Variants in WWOX observed in about 807,000 individuals in gnomAD.
WWOX encodes WW domain containing oxidoreductase.
A neutral mutation model predicts 46.2 loss-of-function variants in WWOX; 69 were observed. The ratio of observed to expected loss-of-function variants is 1.49; its 90% CI spans 1.23 to 1.82. The LOEUF is 1.82. Among genes scored for constraint, WWOX ranks in the 40% most tolerant of loss-of-function variants. The pLI is 0.00. For synonymous variants in WWOX, 359 were observed against 202.6 expected (o/e 1.77, Z -6.56); for missense variants, 919 against 542.6 (o/e 1.69, Z -6.89).
chr16:78,214,900 A>G (rs1193621531), intron 5 of WWOX, among the ~76,000 whole-genome samples: 2 of 152,102 alleles, frequency 1.3e-5, no homozygotes, highest in Admixed American at 6.5e-5. Context: ...ACTACTTGGT[A>G]TATTTTAGTT....
chr16:78,203,635 A>G (rs2036302743), intron 5 of WWOX, among the ~76,000 whole-genome samples: 4 of 152,198 alleles, frequency 2.6e-5, no homozygotes. Context: ...GTCAGTTAAC[A>G]TTCTTGCGAC....
intron 8 of WWOX, among the ~76,000 whole-genome samples, chr16:78,893,775 TC>T (rs1326914422): frequency 6.6e-6 from 1 of 152,102 alleles, no homozygotes; most frequent in East Asian, 1.9e-4. Flanking sequence ...TCTCTGTCTT[TC>T]CCTGCCCCTC....
chr16:79,049,797 C>G (rs1258452340), intron 8 of WWOX, among the ~76,000 whole-genome samples: 1 of 148,594 alleles, frequency 6.7e-6, no homozygotes, highest in Non-Finnish European at 1.5e-5. Context: ...ATCATCCCAC[C>G]GCACACCAGC....
rs898276441 is a variant in WWOX, at chr16:78,544,073, A to G, written c.1056+111321A>G. ...TAGAGTAGGAAAAGCCTAGCCAAGC[A>G]GAAACCCATGTTTTTGACTTTCAGG... is the stretch of plus-strand genomic sequence containing the variant. On this transcript the variant is annotated intron_variant, in intron 8 of 8. Coordinates refer to ENST00000566780, the MANE Select transcript of WWOX (RefSeq NM_016373.4). 4.3e-4 allele frequency among the ~76,000 whole-genome samples: 65 copies of G among 152,208 alleles called. 1 individual carries two copies. The highest frequency in any genetic ancestry group is 1.5e-3 in the African/African-American group (61 of 41,466).
intron 4 of WWOX, among the ~76,000 whole-genome samples, chr16:78,141,431 T>TTC (rs1020769891): frequency 5.4e-4 from 16 of 29,614 alleles, no homozygotes; most frequent in South Asian, 9.6e-4. Flanking sequence ...ATCCCCCTTC[T>TTC]TTTTTTTTTT....
chr16:78,162,273 A>G (rs116170556), intron 4 of WWOX, among the ~76,000 whole-genome samples: 2,603 of 152,146 alleles, frequency 0.017, 83 homozygotes, highest in African/African-American at 0.06. Flanking sequence ...GGCTTCCATC[A>G]TTTTCCTGAG....
At chr16:78,456,273 A>C (rs1264008511) in intron 8 of WWOX, among the ~76,000 whole-genome samples, 4 of 152,216 alleles carry the variant, frequency 2.6e-5, no homozygotes, top group South Asian at 2.1e-4. Context: ...AGGCTGGAAG[A>C]GTTGACCACT....
At chr16:78,504,034 T>C (rs1014186960) in intron 8 of WWOX, among the ~76,000 whole-genome samples, 5 of 152,208 alleles carry the variant, frequency 3.3e-5, no homozygotes, top group Non-Finnish European at 5.9e-5. Context: ...ATCTTAAAGA[T>C]GTCAGTCAGG....
chr16:78,594,768 T>G (rs973327192), intron 8 of WWOX, among the ~76,000 whole-genome samples: 12 of 152,148 alleles, frequency 7.9e-5, no homozygotes, highest in African/African-American at 2.9e-4. Context: ...TTTTTATTTA[T>G]TTTATTTAGC....
At chr16:78,790,371 G>C (rs1203061082) in intron 8 of WWOX, among the ~76,000 whole-genome samples, 1 of 152,102 alleles carries the variant, frequency 6.6e-6, no homozygotes, top group Non-Finnish European at 1.5e-5. Flanking sequence ...CTGACATCAA[G>C]TGATTTGCCC....
chr16:79,023,722 G>T (rs1597291310), intron 8 of WWOX, among the ~76,000 whole-genome samples: 1 of 150,980 alleles, frequency 6.6e-6, no homozygotes, highest in Non-Finnish European at 1.5e-5. Flanking sequence ...AGAAGTTCGA[G>T]ACCAGCCTGG....
At chr16:78,641,182 C>T (rs1056496969) in intron 8 of WWOX, among the ~76,000 whole-genome samples, 4 of 152,076 alleles carry the variant, frequency 2.6e-5, no homozygotes, top group Non-Finnish European at 1.5e-5. Context: ...CCGTTGACAA[C>T]AAAGCCTTTC....
rs149641944 is a variant in WWOX, at chr16:78,984,346, A to G, written c.1057-227262A>G. Among the ~76,000 whole-genome samples, 832 of 152,336 alleles carry G rather than the reference A, an allele frequency of 5.5e-3. 9 individuals are homozygous for G. Among genetic ancestry groups the G allele is most frequent in the African/African-American group, 0.019 (785 of 41,572 alleles). On this transcript the variant is annotated intron_variant, in intron 8 of 8. Transcript: ENST00000566780. Reference sequence around the variant, plus strand: ...CCAAGAAAGCACTCTCTAGGTCAAGAATCAGCAAATGTTTTCTATAGAGGC... The same window carrying G: ...CCAAGAAAGCACTCTCTAGGTCAAGGATCAGCAAATGTTTTCTATAGAGGC...
At chr16:78,610,655 A>G (rs2045879902) in intron 8 of WWOX, among the ~76,000 whole-genome samples, 1 of 152,150 alleles carries the variant, frequency 6.6e-6, no homozygotes. Context: ...AAGTGAACCC[A>G]GATATGTGGG....
chr16:78,378,339 G>C (rs538555616), intron 5 of WWOX, among the ~76,000 whole-genome samples: 1 of 152,114 alleles, frequency 6.6e-6, no homozygotes, highest in Non-Finnish European at 1.5e-5. Flanking sequence ...CTTTAGGCTT[G>C]GCAAAGATGG....
intron 8 of WWOX, among the ~76,000 whole-genome samples, chr16:78,805,994 C>G (rs1316800007): frequency 6.6e-6 from 1 of 152,140 alleles, no homozygotes; most frequent in Non-Finnish European, 1.5e-5. Context: ...CCTCTTAAGA[C>G]AAGAAATCTT....
chr16:78,318,093 A>T (rs1323463016), intron 5 of WWOX, among the ~76,000 whole-genome samples: 1 of 152,136 alleles, frequency 6.6e-6, no homozygotes, highest in African/African-American at 2.4e-5. Context: ...TTTAGAGAAC[A>T]CCAAGGGGAT....
chr16:78,660,272 G>A (rs1042524230), intron 8 of WWOX, among the ~76,000 whole-genome samples: 2 of 152,116 alleles, frequency 1.3e-5, no homozygotes, highest in South Asian at 2.1e-4. Flanking sequence ...GCCACTGTGA[G>A]CCCATCACTA....
chr16:78,111,446 T>C (rs1015781983), intron 3 of WWOX, among the ~76,000 whole-genome samples: 2 of 152,184 alleles, frequency 1.3e-5, no homozygotes, highest in African/African-American at 4.8e-5. Context: ...TTGTGAGAAG[T>C]GACCTAGAAG....
Sources: gnomAD v4.1 joint callset for allele counts (sites outside exome capture counted in the v4.1 genomes callset) on GRCh38, gnomAD v4.1.1 for gene constraint, MANE v1.5 for transcripts, NCBI Gene and HGNC (gene_info 2026-07-23, HGNC 2026-07-21) for gene names.